The following PTPN14 variants were observed in gnomAD, a reference collection of about 807,000 sequenced individuals.
PTPN14 encodes protein tyrosine phosphatase non-receptor type 14.
PTPN14 carries 53 observed loss-of-function variants against 126.8 expected under a neutral mutation model. That is an observed-to-expected ratio of 0.42 (90% confidence interval 0.34 to 0.53). PTPN14 has a LOEUF of 0.53. Ranked by LOEUF, PTPN14 falls within the 20% of genes least tolerant of loss-of-function variation. PTPN14 has a pLI of 0.08. For synonymous variants in PTPN14, 630 were observed against 599.3 expected (o/e 1.05, Z -0.75); for missense variants, 1,257 against 1,552.9 (o/e 0.81, Z 3.20).
chr1:214,461,169 A>G, intron 2 of PTPN14, among the ~76,000 whole-genome samples: 1 of 152,160 alleles, frequency 6.6e-6, no homozygotes. Flanking sequence ...ATCTAATAAA[A>G]TTTAGTGGCA....
chr1:214,418,720 T>A (rs1659478416), intron 3 of PTPN14, among the ~76,000 whole-genome samples: 1 of 152,248 alleles, frequency 6.6e-6, no homozygotes, highest in East Asian at 1.9e-4. Context: ...ATGAGAAACT[T>A]TTCCATAAAA....
At position 214,463,562 on chromosome 1, in the gene PTPN14, C is replaced by T. The variant is rs73075973; in HGVS notation, c.174+1068G>A. On this transcript the variant is annotated intron_variant, in intron 2 of 18. Coordinates refer to ENST00000366956, the MANE Select transcript of PTPN14 (RefSeq NM_005401.5). Reference sequence around the variant, plus strand: ...AGAAAAACAGCCAGCCTGTGGAAGACGTCTTTAGAAGGGACTTTCAGAGCA... The same window carrying T: ...AGAAAAACAGCCAGCCTGTGGAAGATGTCTTTAGAAGGGACTTTCAGAGCA... Among the ~76,000 whole-genome samples, 1,198 of 152,226 alleles carry T rather than the reference C, an allele frequency of 7.9e-3. 10 individuals are homozygous for T. The highest frequency in any genetic ancestry group is 0.028 in the African/African-American group (1,151 of 41,514).
rs182840921 is a variant in PTPN14 at position 214,532,789 on chromosome 1, G to A, written c.-155+18394C>T. On this transcript the variant is annotated intron_variant, in intron 1 of 18. Coordinates refer to ENST00000366956, the MANE Select transcript of PTPN14 (RefSeq NM_005401.5). The stretch of plus-strand genomic sequence containing the variant: ...TTGGCCACAGCTGGAGACAGAGATC[G>A]AGGCTCTCAAGGAGGAGCTGCTCTT... The A allele has an allele frequency of 1.1e-5, 9 of 852,218 alleles. No individual in the cohort carries two copies. The African/African-American group carries it at 1.3e-4, about 12-fold the overall frequency. 52.8% of individuals were successfully genotyped at this position (852,218 alleles called of 1,614,324 possible).
intron 8 of PTPN14, among the ~76,000 whole-genome samples, chr1:214,397,110 A>G (rs2102557636): frequency 6.6e-6 from 1 of 152,324 alleles, no homozygotes; most frequent in Non-Finnish European, 1.5e-5. Context: ...TTTTGGTTAG[A>G]AAACTGTCTC....
intron 2 of PTPN14, among the ~76,000 whole-genome samples, chr1:214,456,145 T>G (rs1235189101): frequency 6.6e-6 from 1 of 152,204 alleles, no homozygotes; most frequent in Non-Finnish European, 1.5e-5. Context: ...GAGGTTTAGA[T>G]GCAGTCTTGG....
Position 214,383,353 on chromosome 1 carries a change from A to G in PTPN14, c.2502T>C (p.Phe834=). Residue 834 remains phenylalanine, a synonymous_variant, in exon 13 of 19, where the codon TTT becomes TTC. Coordinates refer to ENST00000366956, the MANE Select transcript of PTPN14 (RefSeq NM_005401.5). The surrounding 1 kb of genome is among the most constrained non-coding windows in gnomAD (Gnocchi z 4.4). ...TCTCTATAATGCTGTCTTCCAGGGA[A>G]AACATTTCAGACACAGGTCTCTCCT... The part of the protein sequence containing the change: ...PVKERPVSEM[F]SLEDSIIERE... 6.2e-7 allele frequency: 1 copy of G among 1,614,202 alleles called. No individual in the cohort carries two copies. Among genetic ancestry groups the G allele is most frequent in the Non-Finnish European group, 8.5e-7 (1 of 1,180,014 alleles).
At chr1:214,472,686 T>C (rs1204816755) in intron 1 of PTPN14, among the ~76,000 whole-genome samples, 2 of 152,168 alleles carry the variant, frequency 1.3e-5, no homozygotes, top group Non-Finnish European at 1.5e-5. Context: ...AGGGTTAAGC[T>C]ACAGAGAAAA....
intron 2 of PTPN14, among the ~76,000 whole-genome samples, chr1:214,462,076 G>A (rs1184982488): frequency 6.6e-6 from 1 of 151,918 alleles, no homozygotes; most frequent in Non-Finnish European, 1.5e-5. Flanking sequence ...TTCCCAAAAG[G>A]GCACAACTTC....
intron 1 of PTPN14, among the ~76,000 whole-genome samples, chr1:214,512,021 G>T (rs1250083754): frequency 6.6e-6 from 1 of 152,014 alleles, no homozygotes; most frequent in Non-Finnish European, 1.5e-5. Context: ...GCTGACTGGG[G>T]AAAGGCTGCA....
At chr1:214,532,149 T>C (rs1226737745) in intron 1 of PTPN14, 1 of 293,234 alleles carries the variant, frequency 3.4e-6, no homozygotes. Flanking sequence ...ACTGAGGTCG[T>C]TGGCAAAGCC....
Position 214,401,752 on chromosome 1 carries a change from G to C in PTPN14, c.602C>G (p.Ala201Gly), listed in dbSNP as rs748300042. Residue 201 changes from alanine to glycine, a missense_variant, in exon 7 of 19, where the codon GCT becomes GGT. By Grantham distance (60) the Ala-to-Gly change is moderately conservative. Coordinates refer to ENST00000366956, the MANE Select transcript of PTPN14 (RefSeq NM_005401.5). ...KAHSGILPAE[A>G]ELMYINEVER... ...AACTTCATTGATGTACATCAGTTCA[G>C]CTTCTGCTGGCAGGATTCCACTAAA... 6.3e-7 allele frequency: 1 copy of C among 1,589,766 alleles called. No homozygotes were observed. The highest frequency in any genetic ancestry group is 8.6e-7 in the Non-Finnish European group (1 of 1,160,226).
chr1:214,542,642 A>G (rs943533081), intron 1 of PTPN14, among the ~76,000 whole-genome samples: 1 of 152,136 alleles, frequency 6.6e-6, no homozygotes, highest in Non-Finnish European at 1.5e-5. Flanking sequence ...TGCCCAGAGA[A>G]AGTGGTATTG....
intron 3 of PTPN14, among the ~76,000 whole-genome samples, chr1:214,434,034 A>G (rs1659857761): frequency 6.6e-6 from 1 of 151,000 alleles, no homozygotes; most frequent in Admixed American, 6.6e-5. Flanking sequence ...TGGGAGGCTG[A>G]GGTGGGAGGT....
chr1:214,452,138 A>G (rs1572008939), intron 2 of PTPN14, among the ~76,000 whole-genome samples, 164 bp from the exon 3 acceptor site: 1 of 152,224 alleles, frequency 6.6e-6, no homozygotes, highest in Admixed American at 6.5e-5. Context: ...AAGAAACCAC[A>G]ACCACACACT....
chr1:214,388,452 G>A (rs932061396), intron 11 of PTPN14, among the ~76,000 whole-genome samples: 3 of 151,732 alleles, frequency 2.0e-5, no homozygotes, highest in African/African-American at 7.3e-5. Context: ...TATTGCCCAG[G>A]CTGGAGTGCA....
At chr1:214,535,248 ATAAATATATTTTTCAACAATTCTG>A (rs1213699350) in intron 1 of PTPN14, among the ~76,000 whole-genome samples, 2 of 152,296 alleles carry the variant, frequency 1.3e-5, no homozygotes, top group South Asian at 2.1e-4. Flanking sequence ...CTACCTCTTT[ATAAATATATTTTTCAACAATTCTG>A]TACATACCAT....
chr1:214,506,693 C>G (rs1654853131), intron 1 of PTPN14, among the ~76,000 whole-genome samples: 1 of 152,180 alleles, frequency 6.6e-6, no homozygotes, highest in Non-Finnish European at 1.5e-5. Context: ...ACCAGGGATA[C>G]AGGTGGCTCT....
chr1:214,543,016 A>G (rs1411973595), intron 1 of PTPN14, among the ~76,000 whole-genome samples: 1 of 152,204 alleles, frequency 6.6e-6, no homozygotes, highest in Non-Finnish European at 1.5e-5. Context: ...TAGTTCCATA[A>G]GTAGAACAGG....
chr1:214,425,049 G>A (rs950552822), intron 3 of PTPN14, among the ~76,000 whole-genome samples: 42 of 151,884 alleles, frequency 2.8e-4, no homozygotes, highest in African/African-American at 7.0e-4. Flanking sequence ...CACCTGCCTC[G>A]GCCTCCCAAA....
Sources: gnomAD v4.1 joint callset for allele counts (sites outside exome capture counted in the v4.1 genomes callset) on GRCh38, gnomAD v4.1.1 for gene constraint, Gnocchi (gnomAD v3.1) non-coding constraint, MANE v1.5 for transcripts, NCBI Gene and HGNC (gene_info 2026-07-23, HGNC 2026-07-21) for gene names.